The following CCSER1 variants were observed in gnomAD, a reference collection of about 807,000 sequenced individuals.
CCSER1 encodes the protein coiled-coil serine rich protein 1.
A neutral mutation model predicts 82.0 loss-of-function variants in CCSER1; 41 were observed. The observed-to-expected ratio is 0.50, with a 90% CI of 0.39 to 0.65. The LOEUF (loss-of-function observed/expected upper bound fraction) is 0.65. Ranked by LOEUF, CCSER1 falls within the 30% of genes least tolerant of loss-of-function variation. The pLI is 0.00. For synonymous variants in CCSER1, 414 were observed against 383.9 expected (o/e 1.08, Z -0.92); for missense variants, 1,119 against 1,064.2 (o/e 1.05, Z -0.72).
Position 90,542,971 on chromosome 4 carries a change from A to G in CCSER1, c.1724+74617A>G, listed in dbSNP as rs112328434. On this transcript the variant is annotated intron_variant, in intron 5 of 10. Coordinates refer to ENST00000509176, the MANE Select transcript of CCSER1 (RefSeq NM_001145065.2). Reference sequence around the variant, plus strand: ...ATGCTTATGTATTATACATATTCACATTTAATTCAAAATCCTTATTTTTTA... The same window carrying G: ...ATGCTTATGTATTATACATATTCACGTTTAATTCAAAATCCTTATTTTTTA... 1.0e-3 allele frequency among the ~76,000 whole-genome samples: 153 copies of G among 152,258 alleles called. 2 individuals are homozygous for G. Among genetic ancestry groups the G allele is most frequent in the African/African-American group, 3.3e-3 (136 of 41,562 alleles).
chr4:91,164,521 G>A (rs1731813941), intron 10 of CCSER1, among the ~76,000 whole-genome samples: 1 of 152,154 alleles, frequency 6.6e-6, no homozygotes, highest in African/African-American at 2.4e-5. Flanking sequence ...ATCCTGGAGA[G>A]TGTTTTTCAA....
At chr4:90,913,279 T>C (rs1173279118) in intron 8 of CCSER1, among the ~76,000 whole-genome samples, 2 of 152,190 alleles carry the variant, frequency 1.3e-5, no homozygotes, top group African/African-American at 4.8e-5. Flanking sequence ...CCCATCAGAC[T>C]AACAGCTGAT....
intron 10 of CCSER1, among the ~76,000 whole-genome samples, chr4:91,219,308 CTTTTT>C (rs59884169): frequency 0.019 from 1,888 of 99,896 alleles, 44 homozygotes; most frequent in African/African-American, 0.062. Context: ...TACAGTTTGG[CTTTTT>C]TTTTTTTTTT....
In CCSER1 at chr4:91,106,549, C is replaced by G. The variant is rs538793216; in HGVS notation, c.2217+20555C>G. Among the ~76,000 whole-genome samples, 10 of 152,284 alleles carry G rather than the reference C, an allele frequency of 6.6e-5. No homozygotes were observed. The East Asian group carries it at 1.7e-3, about 26-fold the overall frequency. ...TCCCATGGTCTGTCTATCTTGCCTA[C>G]CTATTCATTGCCTATAGGTGTTATC... On this transcript the variant is annotated intron_variant, in intron 10 of 10. Coordinates refer to ENST00000509176, the MANE Select transcript of CCSER1 (RefSeq NM_001145065.2).
chr4:91,277,872 T>C (rs1002388515), intron 10 of CCSER1, among the ~76,000 whole-genome samples: 5 of 152,148 alleles, frequency 3.3e-5, no homozygotes, highest in Non-Finnish European at 5.9e-5. Flanking sequence ...GGTTTTGATA[T>C]GTTGTGTCTC....
intron 10 of CCSER1, among the ~76,000 whole-genome samples, chr4:91,367,460 G>A (rs1298717704): frequency 3.6e-5 from 5 of 138,322 alleles, no homozygotes; most frequent in African/African-American, 1.4e-4. Context: ...ACACACAGAT[G>A]TTCTGACCAT....
intron 10 of CCSER1, among the ~76,000 whole-genome samples, chr4:91,528,225 T>G (rs998858528): frequency 2.0e-5 from 3 of 152,112 alleles, no homozygotes; most frequent in Non-Finnish European, 2.9e-5. Context: ...CCAGCCCAAG[T>G]GCTAATATAT....
chr4:90,830,559 T>C (rs80310666), intron 8 of CCSER1, among the ~76,000 whole-genome samples: 3,115 of 152,294 alleles, frequency 0.02, 121 homozygotes, highest in African/African-American at 0.071. Flanking sequence ...TTTAAGTTCA[T>C]GGAACTTTGT....
intron 10 of CCSER1, among the ~76,000 whole-genome samples, chr4:91,487,074 CTATT>C (rs1276650290): frequency 2.0e-5 from 3 of 151,900 alleles, no homozygotes; most frequent in African/African-American, 7.3e-5. Context: ...ATTAAAGAAA[CTATT>C]AATTTACAAA....
chr4:91,045,480 C>G (rs906907498), intron 9 of CCSER1, among the ~76,000 whole-genome samples: 1 of 126,856 alleles, frequency 7.9e-6, no homozygotes, highest in Admixed American at 8.2e-5. Flanking sequence ...TATCCCTTAA[C>G]AATAACTAGT....
chr4:91,072,797 T>A (rs757125425), intron 9 of CCSER1, among the ~76,000 whole-genome samples: 1 of 152,052 alleles, frequency 6.6e-6, no homozygotes, highest in African/African-American at 2.4e-5. Context: ...TGGTAACATA[T>A]TGTAATTGTG....
chr4:91,223,936 T>C (rs1421126229), intron 10 of CCSER1, among the ~76,000 whole-genome samples: 1 of 152,150 alleles, frequency 6.6e-6, no homozygotes, highest in Non-Finnish European at 1.5e-5. Flanking sequence ...AAATGAAATA[T>C]TTATTGAGTA....
chr4:91,113,228 G>C (rs1227425965), intron 10 of CCSER1, among the ~76,000 whole-genome samples: 1 of 152,140 alleles, frequency 6.6e-6, no homozygotes, highest in Non-Finnish European at 1.5e-5. Flanking sequence ...TTAAACATTT[G>C]TTGATACAAC....
chr4:90,690,642 G>A (rs543836749), intron 6 of CCSER1, among the ~76,000 whole-genome samples: 20 of 151,926 alleles, frequency 1.3e-4, no homozygotes, highest in African/African-American at 3.4e-4. Context: ...TCTCTTACCC[G>A]GTCAATGAGA....
chr4:90,939,418 C>A (rs1353499489), intron 9 of CCSER1, among the ~76,000 whole-genome samples: 3 of 152,170 alleles, frequency 2.0e-5, no homozygotes, highest in African/African-American at 7.2e-5. Context: ...TTCCTGATTT[C>A]TGTGTGTCTC....
chr4:90,279,567 C>T (rs1728519081), intron 1 of CCSER1, among the ~76,000 whole-genome samples: 1 of 151,928 alleles, frequency 6.6e-6, no homozygotes, highest in Non-Finnish European at 1.5e-5. Context: ...CACAATGAAG[C>T]CAACTCAGAT....
chr4:90,948,268 TACTTTA>T (rs1390041894), intron 9 of CCSER1, among the ~76,000 whole-genome samples: 1 of 151,938 alleles, frequency 6.6e-6, no homozygotes, highest in Non-Finnish European at 1.5e-5. Flanking sequence ...TCTGTTGTTT[TACTTTA>T]ACTATAATCC....
intron 6 of CCSER1, among the ~76,000 whole-genome samples, chr4:90,702,884 T>C (rs1738455162): frequency 2.0e-5 from 3 of 152,226 alleles, no homozygotes; most frequent in African/African-American, 2.4e-5. Flanking sequence ...TTAGTCTTGC[T>C]AGCAGTCTAT....
intron 10 of CCSER1, among the ~76,000 whole-genome samples, chr4:91,560,482 C>T (rs1762603571): frequency 6.6e-6 from 1 of 151,320 alleles, no homozygotes; most frequent in African/African-American, 2.4e-5. Flanking sequence ...AAACAATTTT[C>T]TCCCCATGGA....
Sources: gnomAD v4.1 joint callset for allele counts (sites outside exome capture counted in the v4.1 genomes callset) on GRCh38, gnomAD v4.1.1 for gene constraint, MANE v1.5 for transcripts, NCBI Gene and HGNC (gene_info 2026-07-23, HGNC 2026-07-21) for gene names.